The following NLRC4 variants were observed in gnomAD, a reference collection of about 807,000 sequenced individuals.
NLRC4 encodes the protein NLR family CARD domain-containing protein 4.
In NLRC4, 63 loss-of-function variants were observed where a neutral mutation model predicts 79.9. The observed-to-expected ratio is 0.79, with a 90% CI of 0.64 to 0.97. The LOEUF is 0.97. Among genes scored for constraint, NLRC4 ranks in the 50% least tolerant of loss-of-function variants. The pLI is 0.00. For synonymous variants in NLRC4, 461 were observed against 456.5 expected (o/e 1.01, Z -0.12); for missense variants, 1,074 against 1,215.2 (o/e 0.88, Z 1.73).
intron 8 of NLRC4, among the ~76,000 whole-genome samples, chr2:32,228,607 AGATCCTAAGTTTTTCAGT>A (rs1261808917): frequency 6.6e-6 from 1 of 152,196 alleles, no homozygotes; most frequent in Non-Finnish European, 1.5e-5. Context: ...AGTTTTTCAG[AGATCCTAAGTTTTTCAGT>A]AGACTGCATC....
In NLRC4 at chr2:32,251,564, A is replaced by T; in HGVS notation, c.300T>A (p.Asp100Glu). Residue 100 changes from aspartate (D) to glutamate (E), a missense_variant, in exon 4 of 9, where the codon GAT becomes GAA. Coordinates refer to ENST00000402280, the MANE Select transcript of NLRC4 (RefSeq NM_001199138.2). ...FHQTSEGDLD[D>E]LAQDLKDLYH... Reference sequence around the variant, plus strand: ...ACAAGTCCTTTAAATCCTGAGCCAAATCGTCCAAGTCTCCTTCTGATGTCT... The same window carrying T: ...ACAAGTCCTTTAAATCCTGAGCCAATTCGTCCAAGTCTCCTTCTGATGTCT... The T allele has an allele frequency of 6.2e-7, 1 of 1,610,340 alleles. No homozygotes were observed. The highest frequency in any genetic ancestry group is 8.5e-7 in the Non-Finnish European group (1 of 1,178,180).
At chr2:32,226,286 G>A (rs568707679) in intron 8 of NLRC4, among the ~76,000 whole-genome samples, 1 of 152,326 alleles carries the variant, frequency 6.6e-6, no homozygotes, top group South Asian at 2.1e-4. Flanking sequence ...TGATGTCACT[G>A]CATGGCCTTG....
chr2:32,252,704 ATATT>A, intron 2 of NLRC4, 25 bp from the exon 3 acceptor site: 1 of 1,598,196 alleles, frequency 6.3e-7, no homozygotes, highest in African/African-American at 1.3e-5. Flanking sequence ...AGAAATATAC[ATATT>A]TATTTACTTA....
chr2:32,236,286 A>G lies in NLRC4; in HGVS notation c.2575T>C (p.Tyr859His). The G allele has an allele frequency of 1.2e-6, 2 of 1,612,202 alleles. No individual in the cohort carries two copies. The highest frequency in any genetic ancestry group is 1.7e-6 in the Non-Finnish European group (2 of 1,179,012). ...KLSILDLSEN[Y>H]LEKDGNEALH... The stretch of plus-strand genomic sequence containing the variant: ...GCTTCATTTCCATCTTTTTCCAGGT[A>G]ATTTTCTGATAAATCAAGAATGCTC... The change falls in exon 7 of 9, where the codon TAC becomes CAC. Residue 859 changes from tyrosine to histidine, a missense_variant. Physicochemically the swap from Tyr to His is moderately conservative, Grantham distance 83. Coordinates refer to ENST00000402280, the MANE Select transcript of NLRC4 (RefSeq NM_001199138.2).
intron 2 of NLRC4, among the ~76,000 whole-genome samples, chr2:32,254,641 G>A (rs1466130597): frequency 8.4e-6 from 1 of 119,464 alleles, no homozygotes; most frequent in Non-Finnish European, 1.7e-5. Context: ...TTTTTCAGAC[G>A]AAGTTTCACT....
rs1432234363 is a variant in NLRC4, at chr2:32,254,611, TG to T, written c.2-1933del. ...ATTTCTTCCTGGGCTAGGCTGCTCCTGGTTTTTTTTTTTTTTTTTTTTTTCA... is the reference window on the plus strand; with the variant it reads ...ATTTCTTCCTGGGCTAGGCTGCTCCTGTTTTTTTTTTTTTTTTTTTTTTCA... On this transcript the variant is annotated intron_variant, in intron 2 of 8. Coordinates refer to ENST00000402280, the MANE Select transcript of NLRC4 (RefSeq NM_001199138.2). Among the ~76,000 whole-genome samples the T allele has an allele frequency of 6.5e-4, 86 of 131,898 alleles. No homozygotes were observed. The East Asian group carries it at 0.016, about 24-fold the overall frequency. The allele number at this position is 131,898 out of a possible 152,430, so 86.5% of individuals were successfully genotyped here. A position where few individuals can be genotyped will look rare whatever the true frequency, so the allele number is the denominator to read the frequency against.
intron 5 of NLRC4, among the ~76,000 whole-genome samples, chr2:32,238,989 T>C (rs1686734116): frequency 6.6e-6 from 1 of 152,054 alleles, no homozygotes; most frequent in South Asian, 2.1e-4. Flanking sequence ...AAGAAATATA[T>C]GATTTTAATG....
At chr2:32,237,424 T>C (rs1210221774) in intron 6 of NLRC4, among the ~76,000 whole-genome samples, 1 of 152,176 alleles carries the variant, frequency 6.6e-6, no homozygotes, top group Non-Finnish European at 1.5e-5. Context: ...AGGCATGTGC[T>C]CATTGTTCTC....
intron 1 of NLRC4, among the ~76,000 whole-genome samples, chr2:32,261,770 C>A (rs908957894): frequency 6.6e-6 from 1 of 151,812 alleles, no homozygotes; most frequent in Non-Finnish European, 1.5e-5. Context: ...GATTCATTAA[C>A]AATATAAAAA....
chr2:32,244,235 A>G (rs904230050), intron 4 of NLRC4, among the ~76,000 whole-genome samples: 1 of 152,108 alleles, frequency 6.6e-6, no homozygotes, highest in Non-Finnish European at 1.5e-5. Flanking sequence ...GGGTGACAGA[A>G]CAAGACCCTG....
rs114381121 is a variant in NLRC4, at chr2:32,238,997, A to G, written c.2351-695T>C. On this transcript the variant is annotated intron_variant, in intron 5 of 8. Transcript: ENST00000402280. ...TACGGGAAAGAAATATATGATTTTA[A>G]TGACCAGGCATGGTGGCTCACACCT... is the stretch of plus-strand genomic sequence containing the variant. Among the ~76,000 whole-genome samples the G allele has an allele frequency of 6.5e-3, 991 of 152,234 alleles. 15 individuals carry two copies. Among genetic ancestry groups the G allele is most frequent in the African/African-American group, 0.023 (959 of 41,546 alleles).
chr2:32,257,500 C>T (rs541686293), intron 1 of NLRC4, among the ~76,000 whole-genome samples: 5 of 151,404 alleles, frequency 3.3e-5, no homozygotes, highest in East Asian at 3.9e-4. Context: ...CCAGCTGTTC[C>T]GGAGGCTGAG....
intron 8 of NLRC4, among the ~76,000 whole-genome samples, chr2:32,226,589 G>T (rs1686402943): frequency 1.3e-5 from 2 of 152,150 alleles, no homozygotes; most frequent in African/African-American, 4.8e-5. Flanking sequence ...AATTTGAAAA[G>T]TGAGACAGAG....
chr2:32,247,854 T>TAAAAA (rs1558455336), intron 4 of NLRC4, among the ~76,000 whole-genome samples: 31 of 151,784 alleles, frequency 2.0e-4, no homozygotes, highest in Admixed American at 3.9e-4. Flanking sequence ...TGAAATCATG[T>TAAAAA]CTTTTGCAGC....
intron 8 of NLRC4, among the ~76,000 whole-genome samples, chr2:32,231,262 C>T (rs1686525105): frequency 6.6e-6 from 1 of 152,124 alleles, no homozygotes; most frequent in South Asian, 2.1e-4. Context: ...TCAAGCAATT[C>T]TTCTGCCTCA....
chr2:32,233,581 T>C (rs568539610), intron 8 of NLRC4, among the ~76,000 whole-genome samples: 1 of 152,096 alleles, frequency 6.6e-6, no homozygotes, highest in Non-Finnish European at 1.5e-5. Flanking sequence ...CATATGTTTG[T>C]ATAGTTTCCA....
At chr2:32,258,298 C>G (rs931087778) in intron 1 of NLRC4, among the ~76,000 whole-genome samples, 2 of 152,090 alleles carry the variant, frequency 1.3e-5, no homozygotes, top group Non-Finnish European at 2.9e-5. Flanking sequence ...GTTCTTCCGC[C>G]GATGTGTTCC....
chr2:32,262,165 T>C (rs566788011), intron 1 of NLRC4, among the ~76,000 whole-genome samples: 24 of 152,144 alleles, frequency 1.6e-4, no homozygotes, highest in African/African-American at 5.8e-4. Flanking sequence ...GGTGTCAGGA[T>C]TGCGTTCAAA....
chr2:32,260,213 C>CA (rs1197388989), intron 1 of NLRC4, among the ~76,000 whole-genome samples: 24,688 of 75,718 alleles, frequency 0.33, 3,632 homozygotes, highest in Non-Finnish European at 0.39. Context: ...TGGGCAACGA[C>CA]AAAAAAAAAA....
Sources: allele counts gnomAD v4.1 joint callset (sites outside exome capture counted in the v4.1 genomes callset), GRCh38; gene constraint gnomAD v4.1.1; transcripts MANE v1.5; gene names NCBI Gene and HGNC (gene_info 2026-07-23, HGNC 2026-07-21).